GUCY1B1: variants seen among roughly 807,000 people sequenced by gnomAD.
The protein encoded by GUCY1B1 is guanylate cyclase 1 soluble subunit beta 1.
GUCY1B1 carries 43 observed loss-of-function variants against 71.0 expected under a neutral mutation model. The ratio of observed to expected loss-of-function variants is 0.61; its 90% CI spans 0.47 to 0.78. The LOEUF is 0.78. Among genes scored for constraint, GUCY1B1 ranks in the 30% least tolerant of loss-of-function variants. GUCY1B1 has a pLI of 0.00. For missense variants in GUCY1B1, 535 were observed against 754.1 expected, an observed-to-expected ratio of 0.71 and a Z score of 3.40; for synonymous variants, 266 against 259.7, an observed-to-expected ratio of 1.02 and a Z score of -0.23.
intron 2 of GUCY1B1, among the ~76,000 whole-genome samples, chr4:155,765,341 G>T (rs1230194629): frequency 6.6e-6 from 1 of 152,146 alleles, no homozygotes; most frequent in Non-Finnish European, 1.5e-5. Context: ...ATGCTATAAA[G>T]AAATCTAACT....
intron 4 of GUCY1B1, among the ~76,000 whole-genome samples, chr4:155,780,061 C>G (rs1002313981): frequency 6.6e-6 from 1 of 152,130 alleles, no homozygotes; most frequent in Non-Finnish European, 1.5e-5. Context: ...AATCTCTTCT[C>G]CATCCTATAA....
At chr4:155,776,741 A>G (rs1738078679) in intron 3 of GUCY1B1, among the ~76,000 whole-genome samples, 1 of 152,202 alleles carries the variant, frequency 6.6e-6, no homozygotes, top group African/African-American at 2.4e-5. Context: ...ATTAAGAAAA[A>G]AGCAGGACAC....
chr4:155,778,035 A>G (rs1240171725), intron 4 of GUCY1B1, among the ~76,000 whole-genome samples: 1 of 152,176 alleles, frequency 6.6e-6, no homozygotes, highest in Non-Finnish European at 1.5e-5. Flanking sequence ...GTTTGTAGAT[A>G]TAATCGAGCA....
rs1740389579 is a variant in GUCY1B1, at chr4:155,807,423, A to G, written c.*1014A>G. 1 of 152,178 alleles carries G rather than the reference A, an allele frequency of 6.6e-6. No individual in the cohort carries two copies. The highest frequency in any genetic ancestry group is 2.4e-5 in the African/African-American group (1 of 41,458). The allele number at this position is 152,178 out of a possible 1,614,324, so 9.4% of individuals were successfully genotyped here. On this transcript the variant is annotated 3_prime_UTR_variant, in exon 14 of 14. Coordinates refer to ENST00000264424, the MANE Select transcript of GUCY1B1 (RefSeq NM_000857.5). ...GGAATAATTGGCCTCTAGCTCTTAA[A>G]TGTCTCTGATAACTTATTAATATCT...
intron 8 of GUCY1B1, among the ~76,000 whole-genome samples, chr4:155,798,439 C>G (rs183017732): frequency 6.6e-6 from 1 of 152,014 alleles, no homozygotes; most frequent in Admixed American, 6.6e-5. Flanking sequence ...TACCTTTGGC[C>G]GATGATCTGG....
In GUCY1B1 at chr4:155,794,026, A is replaced by G; in HGVS notation, c.666A>G (p.Ile222Met). The change falls in exon 6 of 14, where the codon ATA (isoleucine) becomes ATG (methionine). Residue 222 changes from isoleucine (I) to methionine (M), a missense_variant. Physicochemically the swap from Ile to Met is conservative, Grantham distance 10. Transcript: ENST00000264424. ...GCAAAGCTTTTCCTTTTCATATAAT[A>G]TTTGACCGGGACCTAGTGGTCACTC... ...TFCKAFPFHIIFDRDLVVTQC... is the reference protein window; with the variant it reads ...TFCKAFPFHIMFDRDLVVTQC... 1.2e-6 allele frequency: 2 copies of G among 1,613,454 alleles called. No individual in the cohort carries two copies. Among genetic ancestry groups the G allele is most frequent in the Non-Finnish European group, 1.7e-6 (2 of 1,179,450 alleles).
At chr4:155,770,779 G>T (rs949537517) in intron 2 of GUCY1B1, among the ~76,000 whole-genome samples, 1 of 149,224 alleles carries the variant, frequency 6.7e-6, no homozygotes, top group Non-Finnish European at 1.5e-5. Context: ...CGGCGTCACT[G>T]TCCCCATGAA....
chr4:155,806,288 G>A lies in GUCY1B1; in HGVS notation c.1837-98G>A, dbSNP rs181792266. Reference sequence around the variant, plus strand: ...ATTTACAGAAACTGTAGATGTGAACGTGGATCACACTCTCATAAAGAGAAA... The same window carrying A: ...ATTTACAGAAACTGTAGATGTGAACATGGATCACACTCTCATAAAGAGAAA... On this transcript the variant is annotated intron_variant, in intron 13 of 13. Transcript: ENST00000264424. The A allele has an allele frequency of 7.2e-5, 53 of 735,314 alleles. No homozygotes were observed. In the East Asian group the frequency reaches 9.1e-4, roughly 13 times the overall value. 45.5% of individuals were successfully genotyped at this position (735,314 alleles called of 1,614,324 possible). A position where few individuals can be genotyped will look rare whatever the true frequency, so the allele number is the denominator to read the frequency against.
At chr4:155,782,006 T>C (rs1738454990) in intron 4 of GUCY1B1, among the ~76,000 whole-genome samples, 1 of 152,168 alleles carries the variant, frequency 6.6e-6, no homozygotes, top group Admixed American at 6.5e-5. Flanking sequence ...TATTCATAAA[T>C]TGACAATAAA....
At chr4:155,786,147 A>G (rs1429703152) in intron 4 of GUCY1B1, among the ~76,000 whole-genome samples, 4 of 151,988 alleles carry the variant, frequency 2.6e-5, no homozygotes, top group Admixed American at 6.6e-5. Flanking sequence ...TTAATAATCC[A>G]GTAAAAAAGA....
intron 6 of GUCY1B1, 26 bp downstream of exon 6, chr4:155,794,112 G>C (rs1276354793): frequency 2.4e-6 from 3 of 1,269,684 alleles, no homozygotes; most frequent in Non-Finnish European, 3.4e-6. Flanking sequence ...ACTTCCTTGG[G>C]GCCTGAGACA....
chr4:155,794,579 G>C (rs1438912910), intron 6 of GUCY1B1, among the ~76,000 whole-genome samples: 1 of 152,178 alleles, frequency 6.6e-6, no homozygotes, highest in African/African-American at 2.4e-5. Context: ...ATGAGAAACT[G>C]CTGTTGACTT....
chr4:155,759,514 TG>T (rs1736807428), intron 1 of GUCY1B1: 1 of 486,248 alleles, frequency 2.1e-6, no homozygotes, highest in South Asian at 3.1e-5. Flanking sequence ...CTGCCCCCGA[TG>T]CCCAGCCTCT....
At chr4:155,799,028 C>T (rs1213429684) in intron 8 of GUCY1B1, among the ~76,000 whole-genome samples, 1 of 151,978 alleles carries the variant, frequency 6.6e-6, no homozygotes, top group African/African-American at 2.4e-5. Flanking sequence ...GGTAGAGACG[C>T]GTTTCACCAT....
chr4:155,798,123 G>A (rs1368818703), intron 8 of GUCY1B1, among the ~76,000 whole-genome samples: 1 of 152,192 alleles, frequency 6.6e-6, no homozygotes, highest in Non-Finnish European at 1.5e-5. Flanking sequence ...CCCATATGCA[G>A]ACATTGGTCA....
Position 155,806,409 on chromosome 4 carries a change from A to C in GUCY1B1, c.1860A>C (p.Ter620CysextTer12), listed in dbSNP as rs756534816. 45 of 1,604,088 alleles carry C rather than the reference A, an allele frequency of 2.8e-5. No homozygotes were observed. The South Asian group carries it at 4.9e-4, about 17-fold the overall frequency. Reference sequence around the variant, plus strand: ...AGGAAACAAAGCAGGATGATGACTGAATCTTGGATTATGGGGTGAAGAGGA... The same window carrying C: ...AGGAAACAAAGCAGGATGATGACTGCATCTTGGATTATGGGGTGAAGAGGA... ...GTEETKQDDD* is the reference protein window; with the variant it reads ...GTEETKQDDDC Residue 620 changes from the stop codon to cysteine (C), a stop_lost, in exon 14 of 14, where the codon TGA (stop) becomes TGC (cysteine). Transcript: ENST00000264424.
At chr4:155,769,919 C>T (rs982465735) in intron 2 of GUCY1B1, among the ~76,000 whole-genome samples, 2 of 151,818 alleles carry the variant, frequency 1.3e-5, no homozygotes, top group Non-Finnish European at 1.5e-5. Flanking sequence ...ACAATTTAAA[C>T]AAAATTGGAG....
Position 155,804,645 on chromosome 4 carries a change from G to A in GUCY1B1, c.1607G>A (p.Arg536Gln), listed in dbSNP as rs371379330. ...GTAGTTACAGGTGTCATAGGACAGC[G>A]GATGCCTCGATACTGTCTTTTTGGG... ...GEVVTGVIGQ[R>Q]MPRYCLFGNT... The change falls in exon 12 of 14, where the codon CGG becomes CAG. Residue 536 changes from arginine (R) to glutamine (Q), a missense_variant. Transcript: ENST00000264424. 10 of 1,612,010 alleles carry A rather than the reference G, an allele frequency of 6.2e-6. No individual in the cohort carries two copies. Among genetic ancestry groups the A allele is most frequent in the African/African-American group, 1.3e-5 (1 of 74,844 alleles).
At chr4:155,803,042 C>G (rs1345256612) in intron 10 of GUCY1B1, among the ~76,000 whole-genome samples, 2 of 152,060 alleles carry the variant, frequency 1.3e-5, no homozygotes, top group Non-Finnish European at 1.5e-5. Context: ...CGTTTTTGCC[C>G]TTTGTTTCAT....
Sources: gnomAD v4.1 joint callset for allele counts (sites outside exome capture counted in the v4.1 genomes callset) on GRCh38, gnomAD v4.1.1 for gene constraint, MANE v1.5 for transcripts, NCBI Gene and HGNC (gene_info 2026-07-23, HGNC 2026-07-21) for gene names.